ZNF69: variants seen among roughly 807,000 people sequenced by gnomAD.
ZNF69 encodes the protein zinc finger protein 69.
Under a neutral mutation model 50.9 loss-of-function variants are expected in ZNF69, and 47 were observed. The ratio of observed to expected loss-of-function variants is 0.92; its 90% CI spans 0.73 to 1.18. The LOEUF (loss-of-function observed/expected upper bound fraction) is 1.18. Among genes scored for constraint, ZNF69 ranks in the 50% most tolerant of loss-of-function variants. ZNF69 has a pLI of 0.00. For synonymous variants in ZNF69, 216 were observed against 223.1 expected (o/e 0.97, Z 0.29); for missense variants, 717 against 675.1 (o/e 1.06, Z -0.69).
At chr19:11,946,960 C>T in the ZNF69 span, 9 of 891,164 alleles carry the variant, frequency 1.0e-5, no homozygotes, top group South Asian at 1.4e-4. Flanking sequence ...TGTACTCCAG[C>T]CTGGGCAACA....
the ZNF69 span, among the ~76,000 whole-genome samples, chr19:11,970,458 T>G: frequency 7.9e-5 from 12 of 152,196 alleles, no homozygotes; most frequent in Non-Finnish European, 1.5e-4. Flanking sequence ...CATGCTAAGG[T>G]AACATATAAA....
chr19:11,968,522 A>G, the ZNF69 span, among the ~76,000 whole-genome samples: 1 of 152,204 alleles, frequency 6.6e-6, no homozygotes, highest in Admixed American at 6.5e-5. Flanking sequence ...GATTATAGAC[A>G]TGAGCAAATG....
In ZNF69 at chr19:11,905,927, A is replaced by G. The variant is rs1972363661; in HGVS notation, c.1530A>G (p.Gln510=). ...GAGAGAAACTCTATGAATGCAAGCA[A>G]TGTGGTGAAGCCTTCAGTAGTTCCA... ...HTGEKLYECK[Q]CGEAFSSSSS... The change falls in exon 4 of 4, where the codon CAA becomes CAG. Residue 510 remains glutamine, a synonymous_variant. Coordinates refer to ENST00000429654, the MANE Select transcript of ZNF69 (RefSeq NM_001364730.1). 1.2e-6 allele frequency: 2 copies of G among 1,613,916 alleles called. No homozygotes were observed. Among genetic ancestry groups the G allele is most frequent in the Non-Finnish European group, 1.7e-6 (2 of 1,180,004 alleles).
chr19:11,977,573 A>G, the ZNF69 span: 1 of 1,124,622 alleles, frequency 8.9e-7, no homozygotes, highest in South Asian at 1.6e-5. Flanking sequence ...ATATATTTAC[A>G]TGTGACTAAG....
At chr19:11,929,154 A>G in the ZNF69 span, among the ~76,000 whole-genome samples, 3 of 147,948 alleles carry the variant, frequency 2.0e-5, 1 homozygote, top group African/African-American at 8.0e-5. Flanking sequence ...TAAATTTTTG[A>G]ATTACTTTGT....
the ZNF69 span, chr19:11,947,055 T>G: frequency 7.0e-7 from 1 of 1,430,990 alleles, no homozygotes; most frequent in African/African-American, 1.5e-5. Context: ...GAAAGGGATC[T>G]GATAACCGAA....
chr19:11,943,487 CT>C, the ZNF69 span, among the ~76,000 whole-genome samples: 1 of 151,920 alleles, frequency 6.6e-6, no homozygotes, highest in African/African-American at 2.4e-5. Flanking sequence ...ATGGGGGTCT[CT>C]TTTTTTTCTG....
At chr19:11,909,049 T>C (rs1972420112), downstream of ZNF69, among the ~76,000 whole-genome samples, 1 of 152,140 alleles carries the variant, frequency 6.6e-6, no homozygotes, top group African/African-American at 2.4e-5. Flanking sequence ...AATACCTCTA[T>C]GGAAATAAAC....
exon 5 of ZNF69, chr19:11,914,018 CAT>C (rs1380757140): frequency 6.6e-6 from 1 of 152,156 alleles, no homozygotes; most frequent in Non-Finnish European, 1.5e-5. Flanking sequence ...TGGTATGTGA[CAT>C]GTGTCTCTTC....
the ZNF69 span, among the ~76,000 whole-genome samples, chr19:11,972,884 G>T: frequency 1.3e-5 from 2 of 151,340 alleles, no homozygotes; most frequent in African/African-American, 2.4e-5. Flanking sequence ...TTGAACTGCA[G>T]TGTTGGAGTT....
chr19:11,895,656 C>T (rs1172424320), intron 1 of ZNF69, among the ~76,000 whole-genome samples: 2 of 152,034 alleles, frequency 1.3e-5, no homozygotes, highest in Admixed American at 1.3e-4. Flanking sequence ...AGGTGGAGAA[C>T]TAGAAACTGT....
the ZNF69 span, chr19:11,949,648 G>A: frequency 5.6e-6 from 9 of 1,613,688 alleles, no homozygotes; most frequent in Admixed American, 1.2e-4. Flanking sequence ...CAACCAATGT[G>A]GTAAAGCCTT....
At chr19:11,903,483 C>T (rs774412272) in intron 1 of ZNF69, 90 bp from the exon 2 acceptor site, 15 of 1,568,084 alleles carry the variant, frequency 9.6e-6, no homozygotes, top group Middle Eastern at 1.7e-4. Context: ...TTGGAGTCCA[C>T]GGCATCCTGA....
intron 1 of ZNF69, among the ~76,000 whole-genome samples, chr19:11,888,598 A>G (rs921774360): frequency 6.6e-6 from 1 of 152,218 alleles, no homozygotes; most frequent in Non-Finnish European, 1.5e-5. Context: ...GTTTGGTTTT[A>G]TTCATTTTAG....
the ZNF69 span, among the ~76,000 whole-genome samples, chr19:11,935,122 G>A: frequency 7.1e-6 from 1 of 140,040 alleles, no homozygotes; most frequent in Non-Finnish European, 1.5e-5. Context: ...CTTGCAGTGG[G>A]CCGAGATGGC....
At chr19:11,896,384 G>A (rs1049363187) in intron 1 of ZNF69, among the ~76,000 whole-genome samples, 69 of 151,968 alleles carry the variant, frequency 4.5e-4, no homozygotes, top group African/African-American at 1.6e-3. Flanking sequence ...TAGTCATCTT[G>A]GGCTGCTATA....
At chr19:11,978,841 A>G in the ZNF69 span, 1 of 1,614,238 alleles carries the variant, frequency 6.2e-7, no homozygotes, top group Non-Finnish European at 8.5e-7. Context: ...GAAAGAACTC[A>G]CACTGGGGAG....
the ZNF69 span, among the ~76,000 whole-genome samples, chr19:11,952,165 G>A: frequency 2.0e-5 from 3 of 151,104 alleles, no homozygotes; most frequent in African/African-American, 7.4e-5. Context: ...GGCAACAAGA[G>A]TGAAACTCCA....
chr19:11,950,097 T>C, the ZNF69 span: 1 of 1,614,194 alleles, frequency 6.2e-7, no homozygotes, highest in Non-Finnish European at 8.5e-7. Context: ...CCAAGATTCT[T>C]CAAATACATG....
Sources: gnomAD v4.1 joint callset for allele counts (sites outside exome capture counted in the v4.1 genomes callset) on GRCh38, gnomAD v4.1.1 for gene constraint, MANE v1.5 for transcripts, NCBI Gene and HGNC (gene_info 2026-07-23, HGNC 2026-07-21) for gene names.